The following SHANK2 variants were observed in gnomAD, a reference collection of about 807,000 sequenced individuals.
SHANK2 encodes SH3 and multiple ankyrin repeat domains 2.
A neutral mutation model predicts 133.7 loss-of-function variants in SHANK2; 43 were observed. That is an observed-to-expected ratio of 0.32 (90% confidence interval 0.25 to 0.41). SHANK2 has a LOEUF of 0.41. Ranked by LOEUF, SHANK2 falls within the 10% of genes least tolerant of loss-of-function variation. The probability of loss-of-function intolerance (pLI) is 1.00; values close to 1 mark genes in which losing one functional copy is unlikely to be tolerated. For missense variants in SHANK2, 1,994 were observed against 2,235.8 expected (o/e 0.89, Z 2.18); for synonymous variants, 1,017 against 952.8 (o/e 1.07, Z -1.24).
chr11:70,764,893 T>C (rs1555041031), intron 14 of SHANK2, among the ~76,000 whole-genome samples: 1 of 152,216 alleles, frequency 6.6e-6, no homozygotes, highest in Non-Finnish European at 1.5e-5. Context: ...ACCTGTTTTA[T>C]GCCAAGTTCT....
chr11:70,709,961 C>T (rs113509692), intron 14 of SHANK2, among the ~76,000 whole-genome samples: 73 of 152,168 alleles, frequency 4.8e-4, no homozygotes, highest in Admixed American at 2.3e-3. Flanking sequence ...GTGGTGAGAA[C>T]GGTTCCCACG....
intron 11 of SHANK2, among the ~76,000 whole-genome samples, chr11:70,837,975 C>CAAAAAAAAAAAAAAAAA (rs55862093): frequency 7.9e-5 from 2 of 25,176 alleles, no homozygotes; most frequent in Admixed American, 6.4e-4. Flanking sequence ...CATTCTGTCT[C>CAAAAAAAAAAAAAAAAA]AAAAAAAAAA....
At chr11:71,132,638 C>G (rs540821037) in intron 3 of SHANK2, among the ~76,000 whole-genome samples, 1 of 152,302 alleles carries the variant, frequency 6.6e-6, no homozygotes, top group East Asian at 1.9e-4. Context: ...CAATACGTAA[C>G]AGAGGAAGGG....
intron 14 of SHANK2, among the ~76,000 whole-genome samples, chr11:70,791,568 C>CTTCA (rs1348235452): frequency 6.6e-6 from 1 of 152,198 alleles, no homozygotes; most frequent in Non-Finnish European, 1.5e-5. Flanking sequence ...CATCTCCAGG[C>CTTCA]TTCACATTTC....
chr11:70,827,690 AACACACACACACACAC>A (rs113156725), intron 11 of SHANK2, among the ~76,000 whole-genome samples: 117 of 130,494 alleles, frequency 9.0e-4, no homozygotes, highest in African/African-American at 3.0e-3. Context: ...AGAAATTTAA[AACACACACACACACAC>A]ACACACACAC....
chr11:71,073,127 G>GTTTTT (rs1277169505), intron 9 of SHANK2, among the ~76,000 whole-genome samples: 3 of 93,782 alleles, frequency 3.2e-5, no homozygotes, highest in Non-Finnish European at 7.5e-5. Context: ...CTTGCTTTTT[G>GTTTTT]TTTTTTTTCT....
At chr11:70,673,746 C>T (rs142107420) in intron 15 of SHANK2, among the ~76,000 whole-genome samples, 10 of 152,344 alleles carry the variant, frequency 6.6e-5, no homozygotes, top group Non-Finnish European at 1.5e-4. Flanking sequence ...AGGCCCATGC[C>T]GGAGGAGAAG....
At chr11:71,081,439 G>C (rs1951298939) in intron 8 of SHANK2, among the ~76,000 whole-genome samples, 1 of 152,212 alleles carries the variant, frequency 6.6e-6, no homozygotes, top group South Asian at 2.1e-4. Flanking sequence ...TAAAGCTGCG[G>C]CCCTTGCCCA....
chr11:70,485,629 A>G lies in SHANK2; in HGVS notation c.4664T>C (p.Ile1555Thr), dbSNP rs1555152970. 2 of 1,613,898 alleles carry G rather than the reference A, an allele frequency of 1.2e-6. No individual in the cohort carries two copies. Among genetic ancestry groups the G allele is most frequent in the East Asian group, 2.2e-5 (1 of 44,898 alleles). ...PVPPKPKMKP[I>T]IHKSNALYQD... ...ATAAAGTGCATTGCTTTTGTGAATG[A>G]TGGGCTTCATTTTTGGCTTAGGAGG... Residue 1555 changes from isoleucine to threonine, a missense_variant, in exon 25 of 26, where the codon ATC becomes ACC. Physicochemically the swap from Ile to Thr is moderately conservative, Grantham distance 89. Coordinates refer to ENST00000601538, the MANE Select transcript of SHANK2 (RefSeq NM_012309.5). The surrounding 1 kb of genome is among the most constrained non-coding windows in gnomAD (Gnocchi z 5.8).
chr11:70,591,685 A>G (rs1459468092), intron 17 of SHANK2, among the ~76,000 whole-genome samples: 3 of 152,166 alleles, frequency 2.0e-5, no homozygotes, highest in African/African-American at 7.2e-5. Context: ...TCAAGGGCAG[A>G]CCTGAGCTAC....
At chr11:70,691,940 A>G (rs1457711239) in intron 15 of SHANK2, among the ~76,000 whole-genome samples, 5 of 152,196 alleles carry the variant, frequency 3.3e-5, no homozygotes, top group Admixed American at 2.6e-4. Context: ...CAGAAAATGT[A>G]TGAAATAAAC....
At chr11:70,710,994 AAAAG>A (rs1350562839) in intron 14 of SHANK2, among the ~76,000 whole-genome samples, 1 of 152,212 alleles carries the variant, frequency 6.6e-6, no homozygotes, top group Non-Finnish European at 1.5e-5. Context: ...CAGAGATTGA[AAAAG>A]AGAGAGAGAG....
At chr11:70,662,068 G>A (rs1035387254) in intron 15 of SHANK2, 3 of 489,630 alleles carry the variant, frequency 6.1e-6, no homozygotes, top group Non-Finnish European at 1.1e-5. Context: ...GGCCTCAGCA[G>A]CGGCGGCGTC....
At chr11:70,560,915 C>T (rs905477335) in intron 17 of SHANK2, among the ~76,000 whole-genome samples, 6 of 152,004 alleles carry the variant, frequency 3.9e-5, no homozygotes, top group African/African-American at 9.7e-5. Context: ...GCGTGAGCCA[C>T]GGTGCCCGGC....
At chr11:70,622,424 G>A (rs1554998214) in intron 17 of SHANK2, among the ~76,000 whole-genome samples, 1 of 152,040 alleles carries the variant, frequency 6.6e-6, no homozygotes, top group East Asian at 1.9e-4. Flanking sequence ...GACCCTCTGT[G>A]CGAGTGTCCT....
At position 70,861,412 on chromosome 11, in the gene SHANK2, A is replaced by C. The variant is rs1949256305; in HGVS notation, c.1174+35089T>G. ...TGTTTTCCTACACCACATGGCATTGAAATACAAGCTCTAAAATAAGAGGCA... is the reference window on the plus strand; with the variant it reads ...TGTTTTCCTACACCACATGGCATTGCAATACAAGCTCTAAAATAAGAGGCA... On this transcript the variant is annotated intron_variant, in intron 11 of 25. Transcript: ENST00000601538. Among the ~76,000 whole-genome samples, 3 of 152,238 alleles carry C rather than the reference A, an allele frequency of 2.0e-5. No homozygotes were observed. In the South Asian group the frequency reaches 6.2e-4, roughly 32 times the overall value.
At chr11:71,204,338 C>T (rs1325735171) in intron 2 of SHANK2, among the ~76,000 whole-genome samples, 1 of 152,216 alleles carries the variant, frequency 6.6e-6, no homozygotes, top group Non-Finnish European at 1.5e-5. Flanking sequence ...AGGGCCCCTG[C>T]TGGGCTGATG....
intron 17 of SHANK2, among the ~76,000 whole-genome samples, chr11:70,608,539 G>T (rs556366309): frequency 6.6e-6 from 1 of 152,298 alleles, no homozygotes; most frequent in South Asian, 2.1e-4. Flanking sequence ...GTAAAATGGG[G>T]TCATGTAAAG....
At chr11:71,150,016 G>A (rs1555107612) in intron 2 of SHANK2, among the ~76,000 whole-genome samples, 1 of 16,712 alleles carries the variant, frequency 6.0e-5, no homozygotes, top group Admixed American at 5.2e-4. Flanking sequence ...GAGAGGAAGG[G>A]AGGGAGGGAG....
Sources: allele counts gnomAD v4.1 joint callset (sites outside exome capture counted in the v4.1 genomes callset), GRCh38; gene constraint gnomAD v4.1.1; non-coding constraint Gnocchi (gnomAD v3.1); transcripts MANE v1.5; gene names NCBI Gene and HGNC (gene_info 2026-07-23, HGNC 2026-07-21).